The following ZMAT4 variants were observed in gnomAD, a reference collection of about 807,000 sequenced individuals.
The protein encoded by ZMAT4 is zinc finger matrin-type protein 4.
Under a neutral mutation model 28.7 loss-of-function variants are expected in ZMAT4, and 17 were observed. That is an observed-to-expected ratio of 0.59 (90% CI 0.41 to 0.89). ZMAT4 has a LOEUF of 0.89. ZMAT4 is among the 40% of genes least tolerant of loss of function. The pLI is 0.00. For synonymous variants in ZMAT4, 117 were observed against 109.2 expected (o/e 1.07, Z -0.44); for missense variants, 240 against 283.8 (o/e 0.85, Z 1.11).
intron 3 of ZMAT4, among the ~76,000 whole-genome samples, chr8:40,732,551 C>T (rs756078758): frequency 2.6e-5 from 4 of 152,240 alleles, no homozygotes; most frequent in East Asian, 1.9e-4. Flanking sequence ...TAGGAACAGG[C>T]ACCTGCTCCA....
At chr8:40,543,532 G>A (rs940473965) in intron 6 of ZMAT4, among the ~76,000 whole-genome samples, 4 of 152,174 alleles carry the variant, frequency 2.6e-5, no homozygotes, top group African/African-American at 9.7e-5. Flanking sequence ...GATATGGAAT[G>A]GGACACAGTG....
intron 4 of ZMAT4, among the ~76,000 whole-genome samples, chr8:40,680,482 C>G (rs1809107896): frequency 6.6e-6 from 1 of 152,056 alleles, no homozygotes; most frequent in Non-Finnish European, 1.5e-5. Context: ...GTGTTTCAAC[C>G]AAGAAGACAA....
intron 3 of ZMAT4, among the ~76,000 whole-genome samples, chr8:40,710,037 C>CAAAAAAAAAA (rs35882795): frequency 2.6e-5 from 2 of 78,286 alleles, no homozygotes; most frequent in African/African-American, 4.1e-5. Flanking sequence ...GACCCAGTCT[C>CAAAAAAAAAA]AAAAAAAAAA....
chr8:40,559,209 A>T (rs1803650070), intron 6 of ZMAT4, among the ~76,000 whole-genome samples: 1 of 152,136 alleles, frequency 6.6e-6, no homozygotes. Context: ...CTTTCTCCTG[A>T]TAAAAGACCA....
chr8:40,801,529 G>C (rs1013766028), intron 2 of ZMAT4, among the ~76,000 whole-genome samples: 31 of 151,748 alleles, frequency 2.0e-4, no homozygotes, highest in Admixed American at 3.3e-4. Context: ...AATTAACTGG[G>C]TGAGGTGGTG....
chr8:40,542,831 C>G (rs1410897163), intron 6 of ZMAT4, among the ~76,000 whole-genome samples: 1 of 152,182 alleles, frequency 6.6e-6, no homozygotes, highest in East Asian at 1.9e-4. Flanking sequence ...CACTAAATGG[C>G]TGCATTGGAA....
chr8:40,786,541 T>G, intron 2 of ZMAT4: 1 of 421,306 alleles, frequency 2.4e-6, no homozygotes, highest in Non-Finnish European at 4.1e-6. Context: ...ATCTGGAATG[T>G]GAAGTATTTT....
chr8:40,875,600 G>T (rs889773757), intron 1 of ZMAT4, among the ~76,000 whole-genome samples: 6 of 152,160 alleles, frequency 3.9e-5, no homozygotes, highest in Non-Finnish European at 7.4e-5. Context: ...GTGGGGTGTG[G>T]TATCTTCATG....
At chr8:40,791,561 T>C (rs1009739413) in intron 2 of ZMAT4, among the ~76,000 whole-genome samples, 1 of 152,212 alleles carries the variant, frequency 6.6e-6, no homozygotes, top group Admixed American at 6.5e-5. Flanking sequence ...ATGGCTGAGT[T>C]GGGCCATCTT....
At chr8:40,808,563 T>G (rs1340056859) in intron 2 of ZMAT4, 2 of 454,658 alleles carry the variant, frequency 4.4e-6, no homozygotes, top group African/African-American at 2.0e-5. Context: ...CCAGAGGAAC[T>G]GCACCACACT....
intron 5 of ZMAT4, among the ~76,000 whole-genome samples, chr8:40,640,433 T>C (rs962001496): frequency 1.3e-5 from 2 of 152,176 alleles, no homozygotes; most frequent in Admixed American, 1.3e-4. Flanking sequence ...ACTCTCATGA[T>C]TCCACAGGTC....
chr8:40,846,203 T>C (rs1186892069), intron 1 of ZMAT4, among the ~76,000 whole-genome samples: 2 of 152,294 alleles, frequency 1.3e-5, no homozygotes, highest in South Asian at 2.1e-4. Context: ...ATAAATATAC[T>C]TGGCGGTGTT....
intron 5 of ZMAT4, among the ~76,000 whole-genome samples, chr8:40,600,759 T>G (rs1805273588): frequency 1.3e-5 from 2 of 152,174 alleles, no homozygotes; most frequent in South Asian, 4.1e-4. Flanking sequence ...ACCAGGGCCT[T>G]TGTCCAGGAG....
At chr8:40,711,817 A>G (rs927482369) in intron 3 of ZMAT4, among the ~76,000 whole-genome samples, 3 of 152,178 alleles carry the variant, frequency 2.0e-5, no homozygotes, top group East Asian at 1.9e-4. Context: ...GAGAGAGTCA[A>G]CCTTGGTAGG....
At chr8:40,576,861 C>T (rs758866246) in intron 6 of ZMAT4, among the ~76,000 whole-genome samples, 17 of 152,136 alleles carry the variant, frequency 1.1e-4, no homozygotes, top group Non-Finnish European at 2.2e-4. Flanking sequence ...AGTAATTCCA[C>T]TACTGGGTAT....
chr8:40,825,812 C>T, intron 1 of ZMAT4, 132 bp from the exon 2 acceptor site: 1 of 642,314 alleles, frequency 1.6e-6, no homozygotes, highest in Non-Finnish European at 2.7e-6. Flanking sequence ...TCTCCCTACA[C>T]TCTTGACGTT....
chr8:40,664,757 C>T (rs1808335660), intron 5 of ZMAT4, among the ~76,000 whole-genome samples: 1 of 152,208 alleles, frequency 6.6e-6, no homozygotes, highest in Admixed American at 6.5e-5. Context: ...GTAATGATTG[C>T]ACAGCAATAG....
intron 5 of ZMAT4, among the ~76,000 whole-genome samples, chr8:40,664,119 C>T (rs138857800): frequency 6.6e-6 from 1 of 152,216 alleles, no homozygotes; most frequent in African/African-American, 2.4e-5. Context: ...GTTTTGGGTA[C>T]TGTGGGTGAT....
intron 5 of ZMAT4, among the ~76,000 whole-genome samples, chr8:40,658,883 C>T (rs1312424581): frequency 6.6e-6 from 1 of 152,122 alleles, no homozygotes; most frequent in Non-Finnish European, 1.5e-5. Flanking sequence ...TCCAAATGTT[C>T]ACCTCCCTCC....
Sources: allele counts gnomAD v4.1 joint callset (sites outside exome capture counted in the v4.1 genomes callset), GRCh38; gene constraint gnomAD v4.1.1; transcripts MANE v1.5; gene names NCBI Gene and HGNC (gene_info 2026-07-23, HGNC 2026-07-21).